HELZ: variants seen among roughly 807,000 people sequenced by gnomAD.
HELZ encodes the protein helicase with zinc finger, also known as ATP-dependent RNA helicase with zinc finger domain.
HELZ carries 23 observed loss-of-function variants against 218.2 expected under a neutral mutation model. The observed-to-expected ratio is 0.11, with a 90% CI of 0.08 to 0.15. HELZ has a LOEUF of 0.15. Among genes scored for constraint, HELZ ranks in the 10% least tolerant of loss-of-function variants. The pLI is 1.00. For synonymous variants in HELZ, 814 were observed against 829.4 expected (o/e 0.98, Z 0.32); for missense variants, 1,813 against 2,353.7 (o/e 0.77, Z 4.75).
intron 23 of HELZ, among the ~76,000 whole-genome samples, chr17:67,132,006 G>A (rs1046617302): frequency 6.6e-6 from 1 of 151,760 alleles, no homozygotes; most frequent in Non-Finnish European, 1.5e-5. Context: ...TCCCTAAAAC[G>A]TTAACATAAT....
At chr17:67,232,792 C>T (rs2041071979) in intron 3 of HELZ, among the ~76,000 whole-genome samples, 2 of 152,206 alleles carry the variant, frequency 1.3e-5, no homozygotes, top group African/African-American at 2.4e-5. Flanking sequence ...CTTCTTTCTA[C>T]TTTTGTATGT....
intron 15 of HELZ, among the ~76,000 whole-genome samples, chr17:67,161,838 A>G (rs2039002157): frequency 6.6e-6 from 1 of 152,216 alleles, no homozygotes; most frequent in African/African-American, 2.4e-5. Flanking sequence ...GACAGCAGAT[A>G]CTGAAACACA....
At chr17:67,222,053 C>A in intron 3 of HELZ, among the ~76,000 whole-genome samples, 1 of 151,844 alleles carries the variant, frequency 6.6e-6, no homozygotes. Flanking sequence ...TGTGGCCTAG[C>A]CTAGTCTTAA....
chr17:67,129,041 T>C (rs1390051743), intron 23 of HELZ, among the ~76,000 whole-genome samples, 186 bp from the exon 24 acceptor site: 1 of 152,202 alleles, frequency 6.6e-6, no homozygotes, highest in Non-Finnish European at 1.5e-5. Context: ...ATTTTGAAAC[T>C]ACAGTCATAC....
chr17:67,205,217 T>C (rs1250021317), intron 5 of HELZ, among the ~76,000 whole-genome samples: 1 of 151,532 alleles, frequency 6.6e-6, no homozygotes, highest in Admixed American at 6.6e-5. Context: ...TCCCAGCTAC[T>C]CGGGAGGCTG....
intron 3 of HELZ, among the ~76,000 whole-genome samples, chr17:67,222,248 A>G (rs989092828): frequency 2.0e-5 from 3 of 152,276 alleles, no homozygotes; most frequent in Admixed American, 6.5e-5. Flanking sequence ...ATTTTCACCT[A>G]TTTTCTCCAT....
chr17:67,155,404 G>A (rs190937611), intron 17 of HELZ, among the ~76,000 whole-genome samples: 13 of 152,194 alleles, frequency 8.5e-5, no homozygotes, highest in Non-Finnish European at 1.9e-4. Flanking sequence ...GGTATTTACA[G>A]GGTTACTTAG....
chr17:67,164,095 A>T (rs536157096), intron 15 of HELZ, among the ~76,000 whole-genome samples: 4 of 152,352 alleles, frequency 2.6e-5, no homozygotes, highest in African/African-American at 9.6e-5. Flanking sequence ...TATGAACTTA[A>T]ATGTGCCGAA....
chr17:67,232,245 G>C (rs1432973381), intron 3 of HELZ, among the ~76,000 whole-genome samples: 3 of 151,828 alleles, frequency 2.0e-5, no homozygotes, highest in African/African-American at 7.3e-5. Context: ...CCAGGTTCAA[G>C]CGATTCTCCT....
At chr17:67,121,671 C>A (rs1348624562) in intron 26 of HELZ, among the ~76,000 whole-genome samples, 2 of 152,134 alleles carry the variant, frequency 1.3e-5, no homozygotes, top group African/African-American at 2.4e-5. Context: ...GGCTAAAACT[C>A]CTGAATTGAA....
intron 20 of HELZ, among the ~76,000 whole-genome samples, chr17:67,147,709 C>G (rs1470547616): frequency 6.6e-6 from 1 of 150,610 alleles, no homozygotes; most frequent in Non-Finnish European, 1.5e-5. Context: ...GCCTCGAACT[C>G]CTGAACTCAA....
intron 6 of HELZ, 85 bp from the exon 7 acceptor site, chr17:67,201,270 C>A: frequency 1.2e-6 from 1 of 845,852 alleles, no homozygotes. Flanking sequence ...TCTGTTGTTT[C>A]TGAGTTTATT....
chr17:67,237,199 C>A (rs1164451004), intron 3 of HELZ, among the ~76,000 whole-genome samples: 1 of 152,072 alleles, frequency 6.6e-6, no homozygotes, highest in Non-Finnish European at 1.5e-5. Flanking sequence ...GCAAGAGAAT[C>A]GCTTGAACCC....
intron 31 of HELZ, among the ~76,000 whole-genome samples, chr17:67,097,569 C>G (rs921118454): frequency 2.0e-5 from 3 of 152,172 alleles, no homozygotes; most frequent in Non-Finnish European, 4.4e-5. Flanking sequence ...TTTTCCTATA[C>G]ATCCATATAC....
intron 3 of HELZ, among the ~76,000 whole-genome samples, chr17:67,236,524 A>G (rs557352718): frequency 1.6e-3 from 237 of 152,352 alleles, no homozygotes; most frequent in Middle Eastern, 6.8e-3. Context: ...AATACTTCAC[A>G]TAAAAAGACT....
rs754251554 is a variant in HELZ at position 67,189,711 on chromosome 17, CA to C, written c.757-16del. On this transcript the variant is annotated splice_polypyrimidine_tract_variant and intron_variant, in intron 10 of 32. Coordinates refer to ENST00000358691, the MANE Select transcript of HELZ (RefSeq NM_014877.4). The stretch of plus-strand genomic sequence containing the variant: ...CATTCACTAAGCTGAAAACAGACAG[CA>C]ATTTATGTTATGTTTTTATTGCTAA... The C allele has an allele frequency of 6.7e-7, 1 of 1,492,614 alleles. No homozygotes were observed. The highest frequency in any genetic ancestry group is 9.3e-7 in the Non-Finnish European group (1 of 1,070,582). The allele number at this position is 1,492,614 out of a possible 1,614,324, so 92.5% of individuals were successfully genotyped here.
rs1283459259 is a variant in HELZ at position 67,167,557 on chromosome 17, G to C, written c.1670C>G (p.Ala557Gly). 1 of 1,613,128 alleles carries C rather than the reference G, an allele frequency of 6.2e-7. No homozygotes were observed. Among genetic ancestry groups the C allele is most frequent in the African/African-American group, 1.3e-5 (1 of 74,882 alleles). ...TQGTKEKVYEATIEEKTKEYI... is the reference protein window; with the variant it reads ...TQGTKEKVYEGTIEEKTKEYI... ...TTCCTTTGTTTTTTCTTCAATAGTA[G>C]CTTCATAAACCTTCTCTTTGGTTCC... The change falls in exon 14 of 33, where the codon GCT becomes GGT. Residue 557 changes from alanine (A) to glycine (G), a missense_variant. By Grantham distance (60) the Ala-to-Gly change is moderately conservative. Around this residue, in one of 4 missense-constraint regions of HELZ, gnomAD observed 714 missense variants for 1,029.2 expected, o/e 0.69. Coordinates refer to ENST00000358691, the MANE Select transcript of HELZ (RefSeq NM_014877.4).
chr17:67,215,413 A>G (rs969892338), intron 5 of HELZ, among the ~76,000 whole-genome samples: 8 of 147,078 alleles, frequency 5.4e-5, no homozygotes, highest in Non-Finnish European at 8.9e-5. Flanking sequence ...CAGTGCTGTG[A>G]TATCGGCTCA....
intron 32 of HELZ, among the ~76,000 whole-genome samples, chr17:67,084,027 A>T (rs551326072): frequency 6.6e-6 from 1 of 152,360 alleles, no homozygotes; most frequent in South Asian, 2.1e-4. Flanking sequence ...GTTTTCTTCA[A>T]GCTCAAGAAA....
Sources: gnomAD v4.1 joint callset for allele counts (sites outside exome capture counted in the v4.1 genomes callset) on GRCh38, gnomAD v4.1.1 for gene constraint, gnomAD v4.1.1 regional missense constraint, MANE v1.5 for transcripts, NCBI Gene and HGNC (gene_info 2026-07-23, HGNC 2026-07-21) for gene names.